The following SLC3A1 variants were observed in gnomAD, a reference collection of about 807,000 sequenced individuals.
SLC3A1 encodes the protein amino acid transporter heavy chain SLC3A1.
Under a neutral mutation model 60.3 loss-of-function variants are expected in SLC3A1, and 78 were observed. The ratio of observed to expected loss-of-function variants is 1.29; its 90% CI spans 1.08 to 1.56. The LOEUF (loss-of-function observed/expected upper bound fraction) is 1.56. SLC3A1 is among the 40% of genes most tolerant of loss of function. The probability of loss-of-function intolerance (pLI) is 0.00; values close to 1 mark genes in which losing one functional copy is unlikely to be tolerated. For synonymous variants in SLC3A1, 392 were observed against 307.9 expected (o/e 1.27, Z -2.86); for missense variants, 1,172 against 858.9 (o/e 1.36, Z -4.56).
At chr2:44,281,573 G>A (rs755689545) in intron 3 of SLC3A1, 32 bp downstream of exon 3, 10 of 1,604,654 alleles carry the variant, frequency 6.2e-6, no homozygotes, top group Non-Finnish European at 8.5e-6. Flanking sequence ...TTACAAAGGG[G>A]TAAAAGGCAG....
chr2:44,319,024 G>C (rs1448571054), intron 9 of SLC3A1: 1 of 152,192 alleles, frequency 6.6e-6, no homozygotes, highest in Non-Finnish European at 1.5e-5. Flanking sequence ...TCTTATGTGA[G>C]TGGCACTGAA....
rs1279221452 is a variant in SLC3A1, at chr2:44,321,084, T to A, written c.*445T>A. The A allele has an allele frequency of 4.6e-6, 2 of 436,936 alleles. No individual in the cohort carries two copies. The highest frequency in any genetic ancestry group is 4.0e-5 in the African/African-American group (2 of 50,350). 27.1% of individuals were successfully genotyped at this position (436,936 alleles called of 1,614,324 possible). A position where few individuals can be genotyped will look rare whatever the true frequency, so the allele number is the denominator to read the frequency against. On this transcript the variant is annotated 3_prime_UTR_variant, in exon 10 of 10. Coordinates refer to ENST00000260649, the MANE Select transcript of SLC3A1 (RefSeq NM_000341.4). The stretch of plus-strand genomic sequence containing the variant: ...CTGGAAGGGAGGCCTGGAGCTCTGC[T>A]ATCACCAATCCTTCCCTTCCCTCTA...
At chr2:44,309,932 C>T (rs1672252501) in intron 7 of SLC3A1, among the ~76,000 whole-genome samples, 1 of 151,908 alleles carries the variant, frequency 6.6e-6, no homozygotes, top group Non-Finnish European at 1.5e-5. Flanking sequence ...TTTGTCATCA[C>T]CTAGGCTGGA....
chr2:44,307,612 G>A (rs1449106981), intron 7 of SLC3A1, among the ~76,000 whole-genome samples: 1 of 149,242 alleles, frequency 6.7e-6, no homozygotes, highest in Non-Finnish European at 1.5e-5. Flanking sequence ...TTTGTTGAGG[G>A]TATTTTCATG....
In SLC3A1 at chr2:44,280,700, T is replaced by C. The variant is rs1356488196; in HGVS notation, c.431-16T>C. On this transcript the variant is annotated splice_polypyrimidine_tract_variant and intron_variant, in intron 1 of 9. Transcript: ENST00000260649. ...ACAAAGTAGGGTTTATTCATGACTTTGACTTTTTTCTTCAGGTATTCAAGA... is the reference window on the plus strand; with the variant it reads ...ACAAAGTAGGGTTTATTCATGACTTCGACTTTTTTCTTCAGGTATTCAAGA... The C allele has an allele frequency of 1.3e-6, 2 of 1,585,702 alleles. No homozygotes were observed. The highest frequency in any genetic ancestry group is 1.7e-6 in the Non-Finnish European group (2 of 1,155,172).
chr2:44,278,824 A>T (rs1016057279), intron 1 of SLC3A1, among the ~76,000 whole-genome samples: 2 of 152,152 alleles, frequency 1.3e-5, no homozygotes, highest in African/African-American at 4.8e-5. Flanking sequence ...GAACAAGGGA[A>T]ATAGTCCAAA....
chr2:44,283,729 A>T (rs1411013977), intron 3 of SLC3A1, among the ~76,000 whole-genome samples: 3 of 152,230 alleles, frequency 2.0e-5, no homozygotes, highest in Non-Finnish European at 4.4e-5. Context: ...GTTCAAAAAT[A>T]TGTATATGTA....
intron 6 of SLC3A1, among the ~76,000 whole-genome samples, chr2:44,301,851 G>A (rs1037364350): frequency 1.3e-5 from 2 of 151,818 alleles, no homozygotes; most frequent in Non-Finnish European, 2.9e-5. Flanking sequence ...ATCACCTGAC[G>A]GTGTTCGAGA....
At chr2:44,276,389 G>A (rs765471852) in intron 1 of SLC3A1, among the ~76,000 whole-genome samples, 1 of 152,142 alleles carries the variant, frequency 6.6e-6, no homozygotes, top group South Asian at 2.1e-4. Context: ...GAGTGTATTA[G>A]TGAATAAAGC....
intron 4 of SLC3A1, among the ~76,000 whole-genome samples, chr2:44,292,057 T>G (rs1052492901): frequency 5.3e-5 from 8 of 152,198 alleles, no homozygotes; most frequent in Non-Finnish European, 1.2e-4. Context: ...TCCACATTTC[T>G]TATTTGACAA....
At chr2:44,308,342 C>G (rs1672209064) in intron 7 of SLC3A1, among the ~76,000 whole-genome samples, 1 of 152,104 alleles carries the variant, frequency 6.6e-6, no homozygotes, top group African/African-American at 2.4e-5. Context: ...CTTATATTTC[C>G]ATGTGAATTT....
At chr2:44,312,284 C>A (rs530260437) in intron 7 of SLC3A1, among the ~76,000 whole-genome samples, 13 of 152,292 alleles carry the variant, frequency 8.5e-5, no homozygotes, top group Non-Finnish European at 1.9e-4. Flanking sequence ...AGTTTTGCTT[C>A]CTTTCCTGTC....
intron 7 of SLC3A1, among the ~76,000 whole-genome samples, chr2:44,312,211 C>T (rs1672315325): frequency 1.3e-5 from 2 of 152,236 alleles, no homozygotes; most frequent in South Asian, 4.1e-4. Flanking sequence ...TAAAAGAGGA[C>T]ACATCAGAAG....
intron 7 of SLC3A1, among the ~76,000 whole-genome samples, chr2:44,306,825 G>C (rs1672170551): frequency 6.6e-6 from 1 of 152,004 alleles, no homozygotes; most frequent in African/African-American, 2.4e-5. Context: ...CCAAAGTGCT[G>C]GGATTACAGG....
chr2:44,320,501 G>C lies in SLC3A1; in HGVS notation c.1920G>C (p.Leu640=). Reference sequence around the variant, plus strand: ...AAGTTGATACAAGTGGCATTTTTCTGGACAAGGGAGAGGGACTCATCTTTG... The same window carrying C: ...AAGTTGATACAAGTGGCATTTTTCTCGACAAGGGAGAGGGACTCATCTTTG... ...GSKVDTSGIF[L]DKGEGLIFEH... is the part of the protein sequence containing the mutation. Residue 640 remains leucine, a synonymous_variant, in exon 10 of 10, where the codon CTG becomes CTC. Coordinates refer to ENST00000260649, the MANE Select transcript of SLC3A1 (RefSeq NM_000341.4). 6.2e-7 allele frequency: 1 copy of C among 1,614,140 alleles called. No homozygotes were observed. The highest frequency in any genetic ancestry group is 8.5e-7 in the Non-Finnish European group (1 of 1,179,990).
intron 4 of SLC3A1, among the ~76,000 whole-genome samples, chr2:44,296,429 G>A (rs1159286920): frequency 6.6e-6 from 1 of 152,106 alleles, no homozygotes; most frequent in Non-Finnish European, 1.5e-5. Context: ...GAATGAATTT[G>A]GTAAAAGATA....
intron 3 of SLC3A1, chr2:44,285,006 T>A (rs2104340534): frequency 6.6e-6 from 1 of 152,348 alleles, no homozygotes; most frequent in South Asian, 2.1e-4. Context: ...CATTTAAGTG[T>A]CCATTTCTGT....
At position 44,318,312 on chromosome 2, in the gene SLC3A1, G is replaced by C. The variant is rs182449087; in HGVS notation, c.1618-1887G>C. The C allele has an allele frequency of 3.5e-3, 846 of 244,106 alleles. 5 individuals are homozygous for C. The highest frequency in any genetic ancestry group is 0.018 in the African/African-American group (768 of 42,384). The allele number at this position is 244,106 out of a possible 1,614,324, so 15.1% of individuals were successfully genotyped here. ...TCACCATGTTGGCCAGGCTGGTCTT[G>C]AACTCCTGACCTCTGGTGATCTGTC... On this transcript the variant is annotated intron_variant, in intron 9 of 9. Transcript: ENST00000260649.
At chr2:44,304,467 G>C (rs1572808295) in intron 7 of SLC3A1, 129 bp downstream of exon 7, 1 of 759,582 alleles carries the variant, frequency 1.3e-6, no homozygotes, top group Non-Finnish European at 2.3e-6. Flanking sequence ...ATTGTTCAGT[G>C]GTCAGGCCTG....
Sources: gnomAD v4.1 joint callset for allele counts (sites outside exome capture counted in the v4.1 genomes callset) on GRCh38, gnomAD v4.1.1 for gene constraint, MANE v1.5 for transcripts, NCBI Gene and HGNC (gene_info 2026-07-23, HGNC 2026-07-21) for gene names.